The following NTNG1 variants were observed in gnomAD, a reference collection of about 807,000 sequenced individuals.
NTNG1 encodes the protein netrin-G1.
NTNG1 carries 16 observed loss-of-function variants against 54.0 expected under a neutral mutation model. That is an observed-to-expected ratio of 0.30 (90% CI 0.20 to 0.45). The LOEUF is 0.45. Among genes scored for constraint, NTNG1 ranks in the 20% least tolerant of loss-of-function variants. The pLI, the probability that NTNG1 is intolerant of heterozygous loss-of-function variation, is 1.00. For synonymous variants in NTNG1, 255 were observed against 263.1 expected (o/e 0.97, Z 0.30); for missense variants, 530 against 678.7 (o/e 0.78, Z 2.43).
intron 2 of NTNG1, among the ~76,000 whole-genome samples, chr1:107,280,068 T>TGTGTGTGTGTGTGTGTG: frequency 6.6e-6 from 1 of 150,524 alleles, no homozygotes; most frequent in African/African-American, 2.5e-5. Context: ...TGTGTGTGTG[T>TGTGTGTGTGTGTGTGTG]TTTACTCTAA....
chr1:107,180,702 G>T (rs72981605), intron 2 of NTNG1, among the ~76,000 whole-genome samples: 3 of 151,990 alleles, frequency 2.0e-5, no homozygotes, highest in Non-Finnish European at 4.4e-5. Context: ...TAACTCAGAG[G>T]CTTATAATTT....
chr1:107,360,167 G>A (rs187275373), intron 3 of NTNG1, among the ~76,000 whole-genome samples: 10 of 152,252 alleles, frequency 6.6e-5, no homozygotes, highest in Admixed American at 2.6e-4. Flanking sequence ...TTAGGAAAAT[G>A]TTTAGTGGGC....
intron 5 of NTNG1, among the ~76,000 whole-genome samples, chr1:107,426,000 T>C (rs1400066653): frequency 6.6e-6 from 1 of 152,156 alleles, no homozygotes; most frequent in East Asian, 1.9e-4. Flanking sequence ...TGTCTGTTCA[T>C]GCCTGTCCCA....
At chr1:107,280,761 A>G (rs1557866016) in intron 2 of NTNG1, among the ~76,000 whole-genome samples, 1 of 151,938 alleles carries the variant, frequency 6.6e-6, no homozygotes, top group African/African-American at 2.4e-5. Flanking sequence ...CAGGACCACA[A>G]ATGCCAAAAT....
intron 2 of NTNG1, among the ~76,000 whole-genome samples, chr1:107,231,193 A>G (rs865807480): frequency 2.6e-5 from 4 of 152,214 alleles, no homozygotes; most frequent in African/African-American, 9.6e-5. Context: ...ATACAATGCC[A>G]TGATGGCCAT....
rs375152626 is a variant in NTNG1, at chr1:107,245,453, GA to G, written c.247-78823del. On this transcript the variant is annotated intron_variant, in intron 2 of 7. Coordinates refer to ENST00000370068, the MANE Select transcript of NTNG1 (RefSeq NM_001113226.3). ...CCATCAGCCTATTTGGCTATTATAA[GA>G]AAAAAGAATCTCTGCTCTTGCCACC... Among the ~76,000 whole-genome samples the G allele has an allele frequency of 3.4e-4, 52 of 152,184 alleles. No individual in the cohort carries two copies. The East Asian group carries it at 9.5e-3, about 28-fold the overall frequency.
intron 3 of NTNG1, among the ~76,000 whole-genome samples, chr1:107,356,207 G>A (rs991090186): frequency 5.9e-5 from 9 of 152,136 alleles, no homozygotes; most frequent in Middle Eastern, 3.2e-3. Flanking sequence ...ATTTTAATCC[G>A]ATGCTAAGAT....
chr1:107,424,944 T>A (rs908235188), intron 5 of NTNG1, among the ~76,000 whole-genome samples: 8 of 152,008 alleles, frequency 5.3e-5, no homozygotes, highest in African/African-American at 1.9e-4. Flanking sequence ...CTTGAGACAT[T>A]TGAAGAGATG....
chr1:107,177,243 A>G (rs575819234), intron 2 of NTNG1, among the ~76,000 whole-genome samples: 90 of 152,262 alleles, frequency 5.9e-4, no homozygotes, highest in African/African-American at 2.0e-3. Flanking sequence ...GCAAAATACT[A>G]CATGCTCATG....
At chr1:107,273,454 GTTA>G (rs778873044) in intron 2 of NTNG1, among the ~76,000 whole-genome samples, 1 of 152,188 alleles carries the variant, frequency 6.6e-6, no homozygotes. Context: ...AAGCAACATA[GTTA>G]TTGTTGTTGT....
chr1:107,159,642 T>C (rs906596059), intron 2 of NTNG1, among the ~76,000 whole-genome samples: 2 of 152,202 alleles, frequency 1.3e-5, no homozygotes, highest in Non-Finnish European at 2.9e-5. Flanking sequence ...ATTCCTCCCC[T>C]AATTTTATTT....
chr1:107,344,297 AAG>A (rs1474280876), intron 3 of NTNG1, among the ~76,000 whole-genome samples: 1 of 152,208 alleles, frequency 6.6e-6, no homozygotes, highest in African/African-American at 2.4e-5. Context: ...TTTATGGAAA[AAG>A]AAATGAAAAG....
At chr1:107,310,605 C>T (rs147501447) in intron 2 of NTNG1, among the ~76,000 whole-genome samples, 1 of 152,076 alleles carries the variant, frequency 6.6e-6, no homozygotes, top group African/African-American at 2.4e-5. Flanking sequence ...TTTAATGAAA[C>T]ATTGGCATGT....
chr1:107,309,364 A>G (rs1666869516), intron 2 of NTNG1, among the ~76,000 whole-genome samples: 1 of 152,176 alleles, frequency 6.6e-6, no homozygotes, highest in South Asian at 2.1e-4. Flanking sequence ...TCTTTGCTAG[A>G]TATTCCAAAA....
chr1:107,248,480 G>A (rs1662346482), intron 2 of NTNG1, among the ~76,000 whole-genome samples: 1 of 152,174 alleles, frequency 6.6e-6, no homozygotes, highest in East Asian at 1.9e-4. Context: ...GAGGTAACAA[G>A]GAGTTAATCT....
chr1:107,171,829 C>T (rs78751063), intron 2 of NTNG1, among the ~76,000 whole-genome samples: 4,037 of 152,270 alleles, frequency 0.027, 71 homozygotes, highest in Non-Finnish European at 0.035. Flanking sequence ...GAGTTACCAG[C>T]GATTTCCTAG....
At chr1:107,228,762 A>T (rs1161793915) in intron 2 of NTNG1, among the ~76,000 whole-genome samples, 1 of 152,172 alleles carries the variant, frequency 6.6e-6, no homozygotes, top group Non-Finnish European at 1.5e-5. Context: ...AATTCTGATG[A>T]GGCTGTAAGA....
rs545031064 is a variant in NTNG1, at chr1:107,210,682, G to A, written c.246+61843G>A. On this transcript the variant is annotated intron_variant, in intron 2 of 7. Transcript: ENST00000370068. ...TAGTTGATCTTTAAGATTACTTCAG[G>A]TGATTAAAAAAATTGATTATGTGTC... Among the ~76,000 whole-genome samples the A allele has an allele frequency of 5.3e-5, 8 of 152,138 alleles. No individual in the cohort carries two copies. The East Asian group carries it at 1.5e-3, about 29-fold the overall frequency.
At chr1:107,159,632 A>G (rs539855089) in intron 2 of NTNG1, among the ~76,000 whole-genome samples, 6 of 152,236 alleles carry the variant, frequency 3.9e-5, no homozygotes, top group African/African-American at 1.4e-4. Flanking sequence ...AAACTATTCT[A>G]TTCCTCCCCT....
Sources: gnomAD v4.1 joint callset for allele counts (sites outside exome capture counted in the v4.1 genomes callset) on GRCh38, gnomAD v4.1.1 for gene constraint, MANE v1.5 for transcripts, NCBI Gene and HGNC (gene_info 2026-07-23, HGNC 2026-07-21) for gene names.